DCC: variants seen among roughly 807,000 people sequenced by gnomAD.
DCC encodes DCC netrin 1 receptor.
DCC carries 58 observed loss-of-function variants against 172.5 expected under a neutral mutation model. That is an observed-to-expected ratio of 0.34 (90% CI 0.27 to 0.42). The LOEUF is 0.42. Among genes scored for constraint, DCC ranks in the 10% least tolerant of loss-of-function variants. The pLI is 1.00. For synonymous variants in DCC, 709 were observed against 644.5 expected (o/e 1.10, Z -1.52); for missense variants, 1,740 against 1,791.0 (o/e 0.97, Z 0.51).
chr18:53,236,040 C>G (rs754238864), intron 12 of DCC, among the ~76,000 whole-genome samples: 4 of 152,082 alleles, frequency 2.6e-5, no homozygotes, highest in Non-Finnish European at 4.4e-5. Context: ...ACAGATAAAA[C>G]TGCTGCCACA....
chr18:53,211,636 A>G lies in DCC; in HGVS notation c.1861+3819A>G, dbSNP rs113380308. Among the ~76,000 whole-genome samples, 251 of 152,222 alleles carry G rather than the reference A, an allele frequency of 1.6e-3. 2 individuals are homozygous for G. The highest frequency in any genetic ancestry group is 5.9e-3 in the African/African-American group (247 of 41,534). On this transcript the variant is annotated intron_variant, in intron 11 of 28. Coordinates refer to ENST00000442544, the MANE Select transcript of DCC (RefSeq NM_005215.4). ...CTACTCGGGAGGCTGAGGCAGGAGA[A>G]TGGCGTGAACCCAGGAGGTGGAGCT...
In DCC at chr18:52,757,341, G is replaced by A. The variant is rs544682986; in HGVS notation, c.412+4967G>A. 1.1e-4 allele frequency: 16 copies of A among 152,292 alleles called. 1 individual carries two copies. In the South Asian group the frequency reaches 3.1e-3, roughly 30 times the overall value. 9.4% of individuals were successfully genotyped at this position (152,292 alleles called of 1,614,324 possible). ...GGAGTTCACTTGGTCTCGACTTGGAGTTTAACACAACTGGTACCCTCCTGG... is the reference window on the plus strand; with the variant it reads ...GGAGTTCACTTGGTCTCGACTTGGAATTTAACACAACTGGTACCCTCCTGG... On this transcript the variant is annotated intron_variant, in intron 2 of 28. Transcript: ENST00000442544.
At chr18:52,948,241 C>T (rs1338178146) in intron 5 of DCC, among the ~76,000 whole-genome samples, 1 of 151,902 alleles carries the variant, frequency 6.6e-6, no homozygotes. Context: ...TTCCTGAGTC[C>T]TATCTTTTAC....
intron 5 of DCC, among the ~76,000 whole-genome samples, chr18:52,932,555 T>C (rs2040321539): frequency 1.3e-5 from 2 of 151,970 alleles, no homozygotes; most frequent in Admixed American, 1.3e-4. Flanking sequence ...AGTGAGAAAA[T>C]AAAAATATCT....
chr18:53,083,198 G>C (rs949485622), intron 7 of DCC, among the ~76,000 whole-genome samples: 4 of 152,100 alleles, frequency 2.6e-5, no homozygotes, highest in Admixed American at 1.3e-4. Context: ...AAATAGGAGT[G>C]ACAATTGGTG....
At chr18:53,482,126 C>A (rs1334740387) in intron 25 of DCC, among the ~76,000 whole-genome samples, 1 of 151,896 alleles carries the variant, frequency 6.6e-6, no homozygotes, top group Non-Finnish European at 1.5e-5. Flanking sequence ...GGGAAAAATA[C>A]CAAAAGATAT....
intron 5 of DCC, among the ~76,000 whole-genome samples, chr18:53,057,160 G>A (rs553605055): frequency 8.8e-4 from 131 of 148,076 alleles, no homozygotes; most frequent in Non-Finnish European, 9.3e-4. Context: ...TTTATTATGC[G>A]AAATAAAACC....
intron 2 of DCC, among the ~76,000 whole-genome samples, chr18:52,865,117 G>A (rs537216391): frequency 3.3e-5 from 5 of 151,992 alleles, no homozygotes; most frequent in Admixed American, 1.3e-4. Context: ...CTCCCGCCTT[G>A]GCCTCCCAAA....
rs188540669 is a variant in DCC, at chr18:52,468,504, A to T, written c.91+127626A>T. 3.7e-4 allele frequency among the ~76,000 whole-genome samples: 56 copies of T among 152,356 alleles called. No individual in the cohort carries two copies. In the East Asian group the frequency reaches 0.01, roughly 27 times the overall value. ...CAACCTCATCCCATGCCTCCAAGCAAAACTTCAAATTAATGGTAGCATTTG... is the reference window on the plus strand; with the variant it reads ...CAACCTCATCCCATGCCTCCAAGCATAACTTCAAATTAATGGTAGCATTTG... On this transcript the variant is annotated intron_variant, in intron 1 of 28. Transcript: ENST00000442544.
rs68158437 is a variant in DCC, at chr18:53,240,026, T to TAA, written c.1911+24452_1911+24453dup. Among the ~76,000 whole-genome samples the TAA allele has an allele frequency of 9.6e-3, 659 of 68,912 alleles. 2 individuals carry two copies. The highest frequency in any genetic ancestry group is 0.015 in the Non-Finnish European group (488 of 33,294). 45.2% of individuals were successfully genotyped at this position (68,912 alleles called of 152,430 possible). On this transcript the variant is annotated intron_variant, in intron 12 of 28. Coordinates refer to ENST00000442544, the MANE Select transcript of DCC (RefSeq NM_005215.4). Reference sequence around the variant, plus strand: ...ACATTCAAAATTCTAGTTCTAGAGTTAAAAAAAAAAAAAAAAAAAAAAAAC... The same window carrying TAA: ...ACATTCAAAATTCTAGTTCTAGAGTTAAAAAAAAAAAAAAAAAAAAAAAAAAC...
chr18:52,602,867 G>T (rs2034047326), intron 1 of DCC, among the ~76,000 whole-genome samples: 1 of 152,086 alleles, frequency 6.6e-6, no homozygotes, highest in Non-Finnish European at 1.5e-5. Context: ...AATTAAAGGT[G>T]CAGGTTATTG....
intron 2 of DCC, among the ~76,000 whole-genome samples, chr18:52,870,105 G>A (rs2039295344): frequency 6.6e-6 from 1 of 152,194 alleles, no homozygotes; most frequent in African/African-American, 2.4e-5. Flanking sequence ...CAGGGCAGCA[G>A]GCTCTCGGGG....
At chr18:52,439,210 G>GTA (rs1987897741) in intron 1 of DCC, among the ~76,000 whole-genome samples, 1 of 151,424 alleles carries the variant, frequency 6.6e-6, no homozygotes. Context: ...GTGTGTGTGT[G>GTA]TAGTTTGGTT....
At chr18:52,936,289 GA>G (rs1421036069) in intron 5 of DCC, among the ~76,000 whole-genome samples, 1 of 124,856 alleles carries the variant, frequency 8.0e-6, no homozygotes, top group African/African-American at 2.8e-5. Flanking sequence ...TGAATTAGAA[GA>G]AGAGACAATG....
At chr18:52,917,274 A>G (rs2040056937) in intron 3 of DCC, among the ~76,000 whole-genome samples, 1 of 152,032 alleles carries the variant, frequency 6.6e-6, no homozygotes. Context: ...AGCTGAGATC[A>G]TGCCACTGCA....
At chr18:52,934,631 T>C (rs2040355606) in intron 5 of DCC, 1 of 152,152 alleles carries the variant, frequency 6.6e-6, no homozygotes. Context: ...CAGAATTATG[T>C]CCTTTCGAAA....
intron 1 of DCC, among the ~76,000 whole-genome samples, chr18:52,751,747 G>GT (rs1044883196): frequency 1.1e-4 from 16 of 152,134 alleles, no homozygotes; most frequent in Middle Eastern, 3.4e-3. Flanking sequence ...GAAAATATTA[G>GT]TTTTTTCTGT....
chr18:52,451,690 A>ATGTG (rs3086357), intron 1 of DCC, among the ~76,000 whole-genome samples: 1 of 150,128 alleles, frequency 6.7e-6, no homozygotes, highest in Admixed American at 6.7e-5. Context: ...GTGTGTATGT[A>ATGTG]TGTGTGTGTG....
At chr18:52,616,867 G>A (rs1169597577) in intron 1 of DCC, among the ~76,000 whole-genome samples, 1 of 152,100 alleles carries the variant, frequency 6.6e-6, no homozygotes, top group Non-Finnish European at 1.5e-5. Flanking sequence ...TTCTAAACAT[G>A]GGAGCAACAG....
Sources: gnomAD v4.1 joint callset for allele counts (sites outside exome capture counted in the v4.1 genomes callset) on GRCh38, gnomAD v4.1.1 for gene constraint, MANE v1.5 for transcripts, NCBI Gene and HGNC (gene_info 2026-07-23, HGNC 2026-07-21) for gene names.